Variants in IL1RAPL2 observed in about 807,000 individuals in gnomAD.
The protein encoded by IL1RAPL2 is interleukin 1 receptor accessory protein like 2, also known as X-linked interleukin-1 receptor accessory protein-like 2.
A neutral mutation model predicts 44.1 loss-of-function variants in IL1RAPL2; 3 were observed. That is an observed-to-expected ratio of 0.07 (90% CI 0.03 to 0.18). The LOEUF (loss-of-function observed/expected upper bound fraction) is 0.18, where lower values mean the gene tolerates loss of function less well. Among genes scored for constraint, IL1RAPL2 ranks in the 10% least tolerant of loss-of-function variants. The pLI, the probability that IL1RAPL2 is intolerant of heterozygous loss-of-function variation, is 1.00. For synonymous variants in IL1RAPL2, 181 were observed against 178.8 expected (o/e 1.01, Z -0.10); for missense variants, 391 against 496.4 (o/e 0.79, Z 2.02).
intron 2 of IL1RAPL2, among the ~76,000 whole-genome samples, chrX:105,006,103 T>G (rs2147738563): frequency 9.0e-6 from 1 of 110,995 alleles, no homozygotes; most frequent in Non-Finnish European, 1.9e-5. Context: ...GCTTCAAAAT[T>G]TAATGAGATT....
At chrX:104,567,586 G>A (rs1019521483) in intron 1 of IL1RAPL2, among the ~76,000 whole-genome samples, 5 of 112,331 alleles carry the variant, frequency 4.5e-5, no homozygotes, top group Non-Finnish European at 9.4e-5. Context: ...CCTGCACTGA[G>A]AGCCTGAAGG....
chrX:104,861,373 C>A (rs769183058), intron 2 of IL1RAPL2, among the ~76,000 whole-genome samples: 2 of 111,714 alleles, frequency 1.8e-5, no homozygotes. Flanking sequence ...AAAATACATT[C>A]AGTGCCCTCA....
At position 105,032,012 on chromosome X, in the gene IL1RAPL2, G is replaced by A. The variant is rs762198785; in HGVS notation, c.83-163463G>A. On this transcript the variant is annotated intron_variant, in intron 2 of 10. Coordinates refer to ENST00000372582, the MANE Select transcript of IL1RAPL2 (RefSeq NM_017416.2). ...CTTCGAGATTTTCTAGTTTATTTGC[G>A]TAGAGGTGTTTGTAGTATTCTCTGA... is the stretch of plus-strand genomic sequence containing the variant. Among the ~76,000 whole-genome samples, 50 of 111,400 alleles carry A rather than the reference G, an allele frequency of 4.5e-4. No individual in the cohort carries two copies. The South Asian group carries it at 4.5e-3, about 10-fold the overall frequency.
At chrX:105,457,288 C>T (rs1019018499) in intron 5 of IL1RAPL2, among the ~76,000 whole-genome samples, 4 of 111,400 alleles carry the variant, frequency 3.6e-5, no homozygotes, top group Non-Finnish European at 7.5e-5. Context: ...TTTATAAATG[C>T]ACAATTCAGT....
At chrX:105,172,303 C>A (rs1320927474) in intron 2 of IL1RAPL2, among the ~76,000 whole-genome samples, 7 of 112,392 alleles carry the variant, frequency 6.2e-5, no homozygotes. Context: ...CAGATTATCA[C>A]AAATTTAGAA....
intron 2 of IL1RAPL2, among the ~76,000 whole-genome samples, chrX:105,036,658 G>A (rs756955057): frequency 1.7e-3 from 189 of 112,104 alleles, no homozygotes; most frequent in Non-Finnish European, 2.9e-3. Flanking sequence ...CTGCTCTAAT[G>A]TCATGGAATG....
At chrX:105,439,383 A>G (rs764956937) in intron 5 of IL1RAPL2, among the ~76,000 whole-genome samples, 4 of 110,999 alleles carry the variant, frequency 3.6e-5, no homozygotes, top group East Asian at 5.7e-4. Flanking sequence ...AAGTACAACT[A>G]CAAGTCCAAA....
chrX:104,843,836 T>G (rs922338857), intron 2 of IL1RAPL2, among the ~76,000 whole-genome samples: 1 of 110,722 alleles, frequency 9.0e-6, no homozygotes, highest in African/African-American at 3.3e-5. Context: ...CTGTTTCTAT[T>G]CGGCCATCTT....
chrX:105,013,791 G>T (rs1471499579), intron 2 of IL1RAPL2, among the ~76,000 whole-genome samples: 1 of 111,855 alleles, frequency 8.9e-6, no homozygotes, highest in African/African-American at 3.2e-5. Flanking sequence ...TTTTCACGAT[G>T]ACTCTTTTTC....
At chrX:105,470,389 C>A (rs963753370) in intron 5 of IL1RAPL2, among the ~76,000 whole-genome samples, 1 of 111,603 alleles carries the variant, frequency 9.0e-6, no homozygotes, top group Admixed American at 9.5e-5. Flanking sequence ...GGATCAGAAC[C>A]CATGTATCTT....
At chrX:105,549,085 G>A (rs2036831273) in intron 6 of IL1RAPL2, among the ~76,000 whole-genome samples, 1 of 111,338 alleles carries the variant, frequency 9.0e-6, no homozygotes, top group Non-Finnish European at 1.9e-5. Context: ...TGGTAAACAC[G>A]CAGTTAGTGT....
intron 6 of IL1RAPL2, among the ~76,000 whole-genome samples, chrX:105,506,493 C>G (rs1271225390): frequency 9.0e-6 from 1 of 111,277 alleles, no homozygotes; most frequent in East Asian, 2.9e-4. Flanking sequence ...AGCTTCTTTA[C>G]TTCATTTCTC....
At chrX:104,862,210 C>T (rs923004404) in intron 2 of IL1RAPL2, among the ~76,000 whole-genome samples, 1 of 111,009 alleles carries the variant, frequency 9.0e-6, no homozygotes, top group African/African-American at 3.3e-5. Context: ...CATTAAAGAT[C>T]TGAACTTCAT....
chrX:105,446,291 A>C (rs1395787768), intron 5 of IL1RAPL2, among the ~76,000 whole-genome samples: 1 of 111,090 alleles, frequency 9.0e-6, no homozygotes, highest in Non-Finnish European at 1.9e-5. Flanking sequence ...CTTTCTAGGC[A>C]AAGTGTGTTT....
chrX:105,152,055 G>A (rs1486843467), intron 2 of IL1RAPL2, among the ~76,000 whole-genome samples: 2 of 110,379 alleles, frequency 1.8e-5, no homozygotes, highest in Non-Finnish European at 3.8e-5. Flanking sequence ...AGTGTATACT[G>A]CCCTGGTGAT....
At chrX:105,753,714 A>G (rs944643434) in intron 9 of IL1RAPL2, among the ~76,000 whole-genome samples, 6 of 112,094 alleles carry the variant, frequency 5.4e-5, no homozygotes, top group Non-Finnish European at 1.1e-4. Flanking sequence ...TCCTTCATGT[A>G]CATCTGCTTC....
intron 2 of IL1RAPL2, among the ~76,000 whole-genome samples, chrX:104,940,324 T>C (rs1049150709): frequency 3.6e-5 from 4 of 111,709 alleles, no homozygotes; most frequent in Admixed American, 1.9e-4. Context: ...GGGCTATATG[T>C]GGATGGATAT....
At chrX:104,699,514 G>A (rs778701185) in intron 2 of IL1RAPL2, among the ~76,000 whole-genome samples, 1 of 111,900 alleles carries the variant, frequency 8.9e-6, no homozygotes, top group Admixed American at 9.5e-5. Context: ...GCAATGGGAA[G>A]CAGCTGTAAA....
chrX:105,508,010 C>T (rs777241544), intron 6 of IL1RAPL2, among the ~76,000 whole-genome samples: 3 of 111,071 alleles, frequency 2.7e-5, no homozygotes, highest in Non-Finnish European at 5.7e-5. Context: ...TCCTATTAGG[C>T]CCCAGCCACT....
Sources: allele counts gnomAD v4.1 joint callset (sites outside exome capture counted in the v4.1 genomes callset), GRCh38; gene constraint gnomAD v4.1.1; transcripts MANE v1.5; gene names NCBI Gene and HGNC (gene_info 2026-07-23, HGNC 2026-07-21).